ARID4B: variants seen among roughly 807,000 people sequenced by gnomAD.
ARID4B encodes AT-rich interaction domain 4B.
A neutral mutation model predicts 147.5 loss-of-function variants in ARID4B; 26 were observed. The observed-to-expected ratio is 0.18, with a 90% CI of 0.13 to 0.24. The LOEUF (loss-of-function observed/expected upper bound fraction) is 0.24. Among genes scored for constraint, ARID4B ranks in the 10% least tolerant of loss-of-function variants. ARID4B has a pLI of 1.00. For missense variants in ARID4B, 1,179 were observed against 1,511.5 expected, an observed-to-expected ratio of 0.78 and a Z score of 3.65; for synonymous variants, 512 against 507.9, an observed-to-expected ratio of 1.01 and a Z score of -0.11.
At position 235,295,365 on chromosome 1, in the gene ARID4B, C is replaced by A. The variant is rs551051748; in HGVS notation, c.6+31549G>T. ...TCTCTAATAATAATACAAAAATTAGCCAGGCATGGTGGCACGTGCCTGTAA... is the reference window on the plus strand; with the variant it reads ...TCTCTAATAATAATACAAAAATTAGACAGGCATGGTGGCACGTGCCTGTAA... On this transcript the variant is annotated intron_variant, in intron 2 of 23. Coordinates refer to ENST00000264183, the MANE Select transcript of ARID4B (RefSeq NM_016374.6). Among the ~76,000 whole-genome samples the A allele has an allele frequency of 2.3e-4, 35 of 152,058 alleles. 1 individual carries two copies. The East Asian group carries it at 5.8e-3, about 25-fold the overall frequency.
chr1:235,188,699 C>T (rs924850785), intron 19 of ARID4B, among the ~76,000 whole-genome samples: 2 of 152,158 alleles, frequency 1.3e-5, no homozygotes, highest in Admixed American at 1.3e-4. Flanking sequence ...TCTTACCACC[C>T]TCCAGTCAAG....
intron 14 of ARID4B, 122 bp from the exon 15 acceptor site, chr1:235,220,667 CTAAT>C (rs1420797715): frequency 5.0e-6 from 4 of 800,874 alleles, no homozygotes; most frequent in South Asian, 3.4e-5. Context: ...TATTAACATT[CTAAT>C]TTATTCTAGT....
intron 20 of ARID4B, among the ~76,000 whole-genome samples, chr1:235,179,799 G>A (rs1477070505): frequency 1.3e-5 from 2 of 151,650 alleles, no homozygotes; most frequent in Non-Finnish European, 2.9e-5. Context: ...GGCTAGGCAC[G>A]GTGGCTCATG....
intron 21 of ARID4B, 38 bp from the exon 22 acceptor site, chr1:235,175,437 A>G (rs747833226): frequency 4.6e-6 from 7 of 1,512,254 alleles, no homozygotes; most frequent in Non-Finnish European, 5.5e-6. Context: ...ACAAAAATGT[A>G]ACAATAAATT....
In ARID4B at chr1:235,297,511, G is replaced by A. The variant is rs530611211; in HGVS notation, c.6+29403C>T. On this transcript the variant is annotated intron_variant, in intron 2 of 23. Coordinates refer to ENST00000264183, the MANE Select transcript of ARID4B (RefSeq NM_016374.6). ...GATATAATTCCAAAATCACCGTTTT[G>A]CAATCCTTATATAATGGATCTAGTC... is the stretch of plus-strand genomic sequence containing the variant. Among the ~76,000 whole-genome samples, 171 of 152,264 alleles carry A rather than the reference G, an allele frequency of 1.1e-3. 1 individual carries two copies. The highest frequency in any genetic ancestry group is 4.0e-3 in the African/African-American group (168 of 41,562).
chr1:235,235,989 G>A (rs1187960633), intron 8 of ARID4B, among the ~76,000 whole-genome samples: 1 of 148,706 alleles, frequency 6.7e-6, no homozygotes. Context: ...GCAGTGGCGT[G>A]ATCACGACTC....
chr1:235,177,668 G>T, intron 21 of ARID4B, 132 bp downstream of exon 21: 2 of 539,186 alleles, frequency 3.7e-6, no homozygotes, highest in Admixed American at 3.7e-5. Context: ...CAGAATTTGT[G>T]TGACTTTTTT....
intron 14 of ARID4B, 101 bp downstream of exon 14, chr1:235,221,464 G>T (rs1336763352): frequency 1.6e-6 from 1 of 636,268 alleles, no homozygotes; most frequent in Non-Finnish European, 2.7e-6. Context: ...AAAATGTTCT[G>T]ATTTCTTTAA....
intron 16 of ARID4B, among the ~76,000 whole-genome samples, chr1:235,217,554 A>G (rs1011184927): frequency 1.6e-4 from 25 of 152,190 alleles, no homozygotes; most frequent in African/African-American, 6.0e-4. Context: ...TTCACAAAGA[A>G]ATATCAAATC....
At chr1:235,188,277 A>G (rs1333411873) in intron 19 of ARID4B, among the ~76,000 whole-genome samples, 1 of 152,214 alleles carries the variant, frequency 6.6e-6, no homozygotes, top group African/African-American at 2.4e-5. Flanking sequence ...AAGCAGATAA[A>G]TGAATGACGG....
intron 2 of ARID4B, among the ~76,000 whole-genome samples, chr1:235,277,597 TGTGTGTG>T (rs1299510344): frequency 1.2e-3 from 1 of 848 alleles, no homozygotes; most frequent in Non-Finnish European, 0.013. Context: ...CCTTATATTG[TGTGTGTG>T]TGTGTGTGTG....
At chr1:235,271,317 C>T (rs562106803) in intron 2 of ARID4B, among the ~76,000 whole-genome samples, 8 of 152,240 alleles carry the variant, frequency 5.3e-5, no homozygotes, top group Admixed American at 5.2e-4. Flanking sequence ...CACTGCACTC[C>T]AGCCTGGATG....
chr1:235,312,674 TA>T (rs951227596), intron 2 of ARID4B, among the ~76,000 whole-genome samples: 5 of 151,248 alleles, frequency 3.3e-5, no homozygotes, highest in Non-Finnish European at 7.4e-5. Flanking sequence ...ATATTCAGAT[TA>T]AAAAAAACAG....
At chr1:235,260,868 A>G in intron 2 of ARID4B, 116 bp from the exon 3 acceptor site, 1 of 680,074 alleles carries the variant, frequency 1.5e-6, no homozygotes, top group Non-Finnish European at 2.4e-6. Flanking sequence ...TATGAAATGT[A>G]TGTTAACAAG....
Position 235,271,936 on chromosome 1 carries a change from G to A in ARID4B, c.7-11184C>T, listed in dbSNP as rs905366598. ...TGCACTCCAACCTGGGCAACAGAGCGAGACTCCATCTCAAAAAGTAATAAT... is the reference window on the plus strand; with the variant it reads ...TGCACTCCAACCTGGGCAACAGAGCAAGACTCCATCTCAAAAAGTAATAAT... On this transcript the variant is annotated intron_variant, in intron 2 of 23. Coordinates refer to ENST00000264183, the MANE Select transcript of ARID4B (RefSeq NM_016374.6). Among the ~76,000 whole-genome samples the A allele has an allele frequency of 6.0e-5, 9 of 150,382 alleles. No individual in the cohort carries two copies. In the South Asian group the frequency reaches 1.5e-3, roughly 25 times the overall value.
At chr1:235,199,368 T>C (rs1173176072) in intron 17 of ARID4B, among the ~76,000 whole-genome samples, 1 of 152,212 alleles carries the variant, frequency 6.6e-6, no homozygotes, top group Non-Finnish European at 1.5e-5. Flanking sequence ...TTGCATTTTT[T>C]TTTACCTTGC....
intron 11 of ARID4B, chr1:235,228,181 C>T (rs1453299146): frequency 6.7e-6 from 1 of 149,790 alleles, no homozygotes; most frequent in African/African-American, 2.5e-5. Flanking sequence ...GTATTTTATA[C>T]TTTTCTGGGT....
intron 2 of ARID4B, among the ~76,000 whole-genome samples, chr1:235,303,834 T>C (rs1387229808): frequency 3.3e-5 from 5 of 152,330 alleles, no homozygotes; most frequent in African/African-American, 4.8e-5. Context: ...CATAATGCAA[T>C]GCACACTAGC....
At chr1:235,183,492 G>A (rs1189033506) in intron 19 of ARID4B, among the ~76,000 whole-genome samples, 1 of 152,124 alleles carries the variant, frequency 6.6e-6, no homozygotes, top group Non-Finnish European at 1.5e-5. Flanking sequence ...ACAGGCGTGA[G>A]CCACCACGCC....
Sources: gnomAD v4.1 joint callset for allele counts (sites outside exome capture counted in the v4.1 genomes callset) on GRCh38, gnomAD v4.1.1 for gene constraint, MANE v1.5 for transcripts, NCBI Gene and HGNC (gene_info 2026-07-23, HGNC 2026-07-21) for gene names.